Variants in PIK3C2A observed in about 807,000 individuals in gnomAD.
PIK3C2A encodes phosphatidylinositol 4-phosphate 3-kinase C2 domain-containing subunit alpha.
In PIK3C2A, 97 loss-of-function variants were observed where a neutral mutation model predicts 204.5. That is an observed-to-expected ratio of 0.47 (90% CI 0.40 to 0.56). The LOEUF (loss-of-function observed/expected upper bound fraction) is 0.56. Among genes scored for constraint, PIK3C2A ranks in the 20% least tolerant of loss-of-function variants. PIK3C2A has a pLI of 0.00. For missense variants in PIK3C2A, 1,735 were observed against 1,969.2 expected (o/e 0.88, Z 2.25); for synonymous variants, 653 against 664.4 (o/e 0.98, Z 0.26).
chr11:17,106,152 C>T lies in PIK3C2A; in HGVS notation c.3545-847G>A, dbSNP rs1248337679. Among the ~76,000 whole-genome samples the T allele has an allele frequency of 2.0e-5, 3 of 150,544 alleles. No individual in the cohort carries two copies. In the East Asian group the frequency reaches 5.9e-4, roughly 29 times the overall value. The stretch of plus-strand genomic sequence containing the variant: ...TCTGGCCAGGAATGGTGGCTCATAC[C>T]TGTAATTCCAGCACTTTTGGAGGCT... On this transcript the variant is annotated intron_variant, in intron 22 of 32. Coordinates refer to ENST00000691414, the MANE Select transcript of PIK3C2A (RefSeq NM_002645.4).
intron 8 of PIK3C2A, among the ~76,000 whole-genome samples, chr11:17,142,088 A>G (rs1850081793): frequency 6.6e-6 from 1 of 152,172 alleles, no homozygotes; most frequent in African/African-American, 2.4e-5. Flanking sequence ...CAAAAAATAA[A>G]CTCTTAAAAA....
chr11:17,109,875 C>A (rs142807149), intron 22 of PIK3C2A, among the ~76,000 whole-genome samples: 163 of 152,186 alleles, frequency 1.1e-3, no homozygotes, highest in African/African-American at 3.7e-3. Flanking sequence ...AAAGACCATA[C>A]AGTCCTCACT....
chr11:17,203,504 ATACT>A (rs1232549499), intron 1 of PIK3C2A, among the ~76,000 whole-genome samples: 1 of 152,242 alleles, frequency 6.6e-6, no homozygotes, highest in African/African-American at 2.4e-5. Context: ...AACCTGAAAG[ATACT>A]TACAGCAATA....
intron 22 of PIK3C2A, 63 bp downstream of exon 22, chr11:17,110,369 G>A (rs1197830098): frequency 2.6e-5 from 33 of 1,284,488 alleles, no homozygotes; most frequent in Admixed American, 6.4e-5. Flanking sequence ...GTTTACGGCA[G>A]GTACACTTTA....
At chr11:17,195,132 G>A (rs1316676524) in intron 1 of PIK3C2A, among the ~76,000 whole-genome samples, 1 of 151,864 alleles carries the variant, frequency 6.6e-6, no homozygotes, top group Non-Finnish European at 1.5e-5. Context: ...GAAATATAGG[G>A]GGCCGGGTGT....
At chr11:17,112,717 G>T (rs1849040484) in intron 20 of PIK3C2A, 51 bp from the exon 21 acceptor site, 1 of 967,814 alleles carries the variant, frequency 1.0e-6, no homozygotes, top group East Asian at 2.8e-5. Flanking sequence ...AATGGATTTA[G>T]AATTTTTTTT....
chr11:17,111,128 G>A (rs565049410), intron 21 of PIK3C2A, among the ~76,000 whole-genome samples: 10 of 152,034 alleles, frequency 6.6e-5, no homozygotes, highest in South Asian at 4.2e-4. Flanking sequence ...GGCTGGTCTC[G>A]AACTTCTGAC....
At chr11:17,105,146 G>C (rs1848767389) in intron 23 of PIK3C2A, 23 bp downstream of exon 23, 1 of 1,593,032 alleles carries the variant, frequency 6.3e-7, no homozygotes, top group African/African-American at 1.3e-5. Flanking sequence ...AAGCTTTTTA[G>C]AATGAGGAGA....
intron 1 of PIK3C2A, among the ~76,000 whole-genome samples, chr11:17,177,262 T>C (rs929487413): frequency 2.0e-5 from 3 of 152,212 alleles, no homozygotes; most frequent in African/African-American, 7.2e-5. Context: ...AGTTATAACA[T>C]GTACCAATTT....
chr11:17,184,528 G>A (rs989160399), intron 1 of PIK3C2A, among the ~76,000 whole-genome samples: 10 of 152,066 alleles, frequency 6.6e-5, no homozygotes. Flanking sequence ...AAGTATTTTT[G>A]TATAGCTGTA....
chr11:17,127,114 T>C (rs1382284788), intron 13 of PIK3C2A, among the ~76,000 whole-genome samples: 1 of 152,176 alleles, frequency 6.6e-6, no homozygotes, highest in East Asian at 1.9e-4. Context: ...GTATTATATT[T>C]AGCAAAAGGT....
At chr11:17,164,038 T>G (rs1850868696) in intron 2 of PIK3C2A, among the ~76,000 whole-genome samples, 1 of 152,068 alleles carries the variant, frequency 6.6e-6, no homozygotes, top group Non-Finnish European at 1.5e-5. Flanking sequence ...GTGATTTAAC[T>G]CCAATTAATA....
chr11:17,146,040 A>G (rs1590960712), intron 6 of PIK3C2A, 98 bp from the exon 7 acceptor site: 5 of 799,372 alleles, frequency 6.3e-6, no homozygotes, highest in East Asian at 5.1e-5. Flanking sequence ...TCTTGCAACT[A>G]AAGTGTTTTT....
At chr11:17,193,600 C>G (rs964829329) in intron 1 of PIK3C2A, 1 of 364,460 alleles carries the variant, frequency 2.7e-6, no homozygotes, top group South Asian at 2.2e-5. Flanking sequence ...GTAATCCCAG[C>G]ACTTTGGGAG....
rs572234768 is a variant in PIK3C2A, at chr11:17,150,450, T to G, written c.1327+48A>C. 40 of 1,453,588 alleles carry G rather than the reference T, an allele frequency of 2.8e-5. 2 individuals carry two copies. In the South Asian group the frequency reaches 5.7e-4, roughly 21 times the overall value. 90.0% of individuals were successfully genotyped at this position (1,453,588 alleles called of 1,614,324 possible). A position where few individuals can be genotyped will look rare whatever the true frequency, so the allele number is the denominator to read the frequency against. Reference sequence around the variant, plus strand: ...ATGATAATATTGATATTTTAAACATTTCCCCCTAACAGAGCAAAACGAGAG... The same window carrying G: ...ATGATAATATTGATATTTTAAACATGTCCCCCTAACAGAGCAAAACGAGAG... On this transcript the variant is annotated intron_variant, in intron 4 of 32. Coordinates refer to ENST00000691414, the MANE Select transcript of PIK3C2A (RefSeq NM_002645.4).
intron 2 of PIK3C2A, among the ~76,000 whole-genome samples, chr11:17,162,787 T>C (rs898112936): frequency 6.6e-6 from 1 of 152,230 alleles, no homozygotes; most frequent in African/African-American, 2.4e-5. Context: ...TCTTCTTTGC[T>C]GAATTAAACT....
chr11:17,093,161 T>C (rs1050495315), intron 28 of PIK3C2A, among the ~76,000 whole-genome samples: 8 of 152,190 alleles, frequency 5.3e-5, no homozygotes, highest in African/African-American at 1.9e-4. Flanking sequence ...ATGAAAAAAC[T>C]CGACACAGGA....
Position 17,119,310 on chromosome 11 carries a change from A to G in PIK3C2A, c.2850T>C (p.Phe950=), listed in dbSNP as rs1565254352. 6.3e-7 allele frequency: 1 copy of G among 1,583,364 alleles called. No individual in the cohort carries two copies. Among genetic ancestry groups the G allele is most frequent in the Non-Finnish European group, 8.7e-7 (1 of 1,153,232 alleles). Residue 950 remains phenylalanine, a synonymous_variant, in exon 17 of 33, where the codon TTT becomes TTC. Transcript: ENST00000691414. ...LIALELLDSK[F]ADQEVRSLAV... Reference sequence around the variant, plus strand: ...CTAGGGATCTTACTTCCTGATCAGCAAATCTAGAAGATTACCATAAAACCA... The same window carrying G: ...CTAGGGATCTTACTTCCTGATCAGCGAATCTAGAAGATTACCATAAAACCA...
chr11:17,175,678 C>G (rs1054955659), intron 1 of PIK3C2A, among the ~76,000 whole-genome samples: 2 of 152,140 alleles, frequency 1.3e-5, no homozygotes, highest in Admixed American at 1.3e-4. Context: ...GCTGTAGCTA[C>G]TTTAAAATTC....
Sources: allele counts gnomAD v4.1 joint callset (sites outside exome capture counted in the v4.1 genomes callset), GRCh38; gene constraint gnomAD v4.1.1; transcripts MANE v1.5; gene names NCBI Gene and HGNC (gene_info 2026-07-23, HGNC 2026-07-21).